Variants in TMCC2 observed in about 807,000 individuals in gnomAD.
TMCC2 encodes the protein transmembrane and coiled-coil domain family 2.
In TMCC2, 16 loss-of-function variants were observed where a neutral mutation model predicts 49.4. The observed-to-expected ratio is 0.32, with a 90% confidence interval of 0.22 to 0.49. TMCC2 has a LOEUF of 0.49. Among genes scored for constraint, TMCC2 ranks in the 20% least tolerant of loss-of-function variants. The pLI is 0.99. For missense variants in TMCC2, 762 were observed against 989.8 expected, an observed-to-expected ratio of 0.77 and a Z score of 3.09; for synonymous variants, 397 against 434.1, an observed-to-expected ratio of 0.91 and a Z score of 1.06.
chr1:205,253,485 C>T (rs1486951791), intron 2 of TMCC2, among the ~76,000 whole-genome samples: 1 of 152,194 alleles, frequency 6.6e-6, no homozygotes, highest in Admixed American at 6.5e-5. Context: ...AAGCCAGAGA[C>T]CCCCTGCCAC....
At chr1:205,235,884 A>G (rs1174409970) in intron 1 of TMCC2, among the ~76,000 whole-genome samples, 2 of 152,168 alleles carry the variant, frequency 1.3e-5, no homozygotes, top group East Asian at 3.8e-4. Context: ...CCTGGCCAGC[A>G]TGGTGAAACC....
In TMCC2 at chr1:205,268,985, C is replaced by T. The variant is rs201946978; in HGVS notation, c.783C>T (p.Pro261=). 1.2e-5 allele frequency: 19 copies of T among 1,613,082 alleles called. No individual in the cohort carries two copies. The East Asian group carries it at 1.8e-4, about 15-fold the overall frequency. ...DKGDLVALSL[P]AGHGDTDGPI... is the part of the protein sequence containing the mutation. ...GAGACCTGGTGGCCCTGAGCCTCCC[C>T]GCCGGCCATGGTGACACCGACGGCC... is the stretch of plus-strand genomic sequence containing the variant. Residue 261 remains proline (P), a synonymous_variant, in exon 3 of 5, where the codon CCC becomes CCT. Transcript: ENST00000358024.
intron 2 of TMCC2, among the ~76,000 whole-genome samples, chr1:205,244,243 C>G (rs1008714500): frequency 6.6e-6 from 1 of 151,976 alleles, no homozygotes; most frequent in South Asian, 2.1e-4. Context: ...GAGCCCACCT[C>G]CATGCTGGCT....
chr1:205,242,116 G>C, intron 2 of TMCC2, 72 bp downstream of exon 2: 1 of 1,476,180 alleles, frequency 6.8e-7, no homozygotes, highest in South Asian at 1.4e-5. Context: ...TTGAGACCTG[G>C]GGAGCTGAGC....
chr1:205,260,681 T>TCCCCCA (rs1410845576), intron 2 of TMCC2, among the ~76,000 whole-genome samples: 18 of 149,928 alleles, frequency 1.2e-4, no homozygotes, highest in Admixed American at 4.7e-4. Context: ...CCCCATTCCT[T>TCCCCCA]CCCCCACCCC....
chr1:205,249,625 G>A (rs558968393), intron 2 of TMCC2, among the ~76,000 whole-genome samples: 3 of 152,338 alleles, frequency 2.0e-5, no homozygotes, highest in South Asian at 2.1e-4. Flanking sequence ...CACCTTCTGA[G>A]CACACCACCA....
intron 2 of TMCC2, among the ~76,000 whole-genome samples, chr1:205,253,817 C>T (rs11240401): frequency 0.18 from 26,682 of 152,202 alleles, 3,122 homozygotes; most frequent in East Asian, 0.44. Flanking sequence ...GTCTGGAATA[C>T]TGTGGTTTGT....
intron 2 of TMCC2, among the ~76,000 whole-genome samples, chr1:205,255,595 C>T (rs1660834435): frequency 6.6e-6 from 1 of 152,076 alleles, no homozygotes; most frequent in African/African-American, 2.4e-5. Flanking sequence ...ATGAGAAGAC[C>T]AAGCTGTCTT....
Position 205,228,806 on chromosome 1 carries a change from CG to C in TMCC2, c.207+36del, listed in dbSNP as rs1465504781. ...GACCATCCCCCCGGCAAGCCCAGCC[CG>C]CGACTTAGCTCTCGCCACCCCACGC... On this transcript the variant is annotated intron_variant, in intron 1 of 4. Transcript: ENST00000358024. 1.9e-6 allele frequency: 3 copies of C among 1,552,990 alleles called. No individual in the cohort carries two copies. In the East Asian group the frequency reaches 7.2e-5, roughly 37 times the overall value.
chr1:205,259,570 A>G (rs1294716737), intron 2 of TMCC2, among the ~76,000 whole-genome samples: 1 of 152,240 alleles, frequency 6.6e-6, no homozygotes, highest in East Asian at 1.9e-4. Flanking sequence ...TTTCTGTTCC[A>G]ACAGTGTCTA....
intron 1 of TMCC2, chr1:205,236,853 C>CTT (rs1660070063): frequency 6.6e-6 from 1 of 152,182 alleles, no homozygotes; most frequent in Non-Finnish European, 1.5e-5. Flanking sequence ...ATGCTGGGAA[C>CTT]TTTAATAAAA....
At position 205,271,100 on chromosome 1, in the gene TMCC2, ACTCT is replaced by A. The variant is rs759214164; in HGVS notation, c.1683-14_1683-11del. The A allele has an allele frequency of 6.2e-7, 1 of 1,611,062 alleles. No homozygotes were observed. The highest frequency in any genetic ancestry group is 1.1e-5 in the South Asian group (1 of 90,974). On this transcript the variant is annotated splice_polypyrimidine_tract_variant and intron_variant, in intron 3 of 4. Transcript: ENST00000358024. The stretch of plus-strand genomic sequence containing the variant: ...AGCTCGGGGAGCCAGGACTGGTGTC[ACTCT>A]CTCTCCCTCCGCCAGGTACGAGCGG...
rs182012360 is a variant in TMCC2, at chr1:205,252,651, C to T, written c.747+10607C>T. The stretch of plus-strand genomic sequence containing the variant: ...CGCCAGCCTTTCAAAGAGGAGTCCT[C>T]ACTGGCAGATTTTCACAGCACATTT... On this transcript the variant is annotated intron_variant, in intron 2 of 4. Coordinates refer to ENST00000358024, the MANE Select transcript of TMCC2 (RefSeq NM_014858.4). 5.3e-5 allele frequency among the ~76,000 whole-genome samples: 8 copies of T among 152,196 alleles called. No individual in the cohort carries two copies. The East Asian group carries it at 1.5e-3, about 29-fold the overall frequency.
intron 2 of TMCC2, among the ~76,000 whole-genome samples, chr1:205,248,894 A>G (rs576615876): frequency 6.6e-6 from 1 of 152,316 alleles, no homozygotes; most frequent in Admixed American, 6.5e-5. Context: ...GACGCAGCAC[A>G]GGAGTGCTGG....
Position 205,241,481 on chromosome 1 carries a change from G to C in TMCC2, c.208-24G>C, listed in dbSNP as rs543610771. ...CAATCAAGAGCTTTCCACTCACCAG[G>C]GTTCTTCATCTCTCCCCCTTAAGAA... On this transcript the variant is annotated intron_variant, in intron 1 of 4. Coordinates refer to ENST00000358024, the MANE Select transcript of TMCC2 (RefSeq NM_014858.4). The surrounding 1 kb of genome is among the most constrained non-coding windows in gnomAD (Gnocchi z 7.3). 12 of 1,610,098 alleles carry C rather than the reference G, an allele frequency of 7.5e-6. No homozygotes were observed. Among genetic ancestry groups the C allele is most frequent in the African/African-American group, 2.7e-5 (2 of 74,760 alleles).
intron 2 of TMCC2, among the ~76,000 whole-genome samples, chr1:205,242,322 G>T (rs1332070992): frequency 6.6e-6 from 1 of 152,172 alleles, no homozygotes; most frequent in Non-Finnish European, 1.5e-5. Flanking sequence ...CCTTAAATGG[G>T]CTATCAAGAG....
intron 2 of TMCC2, among the ~76,000 whole-genome samples, chr1:205,263,155 A>C (rs1661185200): frequency 6.6e-6 from 1 of 151,708 alleles, no homozygotes; most frequent in Non-Finnish European, 1.5e-5. Flanking sequence ...ACACACACAC[A>C]CCCCTAAGCA....
Position 205,242,036 on chromosome 1 carries a change from G to A in TMCC2, c.739G>A (p.Gly247Arg), listed in dbSNP as rs369237599. 2.3e-5 allele frequency: 36 copies of A among 1,583,876 alleles called. No individual in the cohort carries two copies. In the East Asian group the frequency reaches 2.7e-4, roughly 12 times the overall value. The change falls in exon 2 of 5, where the codon GGG becomes AGG. Residue 247 changes from glycine (G) to arginine (R), a missense_variant. Coordinates refer to ENST00000358024, the MANE Select transcript of TMCC2 (RefSeq NM_014858.4). ...CCTGGCTGAGGAGGCCGAAGGCATC[G>A]GGGACAAGGTGAGATGGGCCTTCTG... is the stretch of plus-strand genomic sequence containing the variant. ...YLLAEEAEGI[G>R]DKVDKGDLVA...
In TMCC2 at chr1:205,269,652, G is replaced by T. The variant is rs762161152; in HGVS notation, c.1450G>T (p.Ala484Ser). 1 of 1,613,754 alleles carries T rather than the reference G, an allele frequency of 6.2e-7. No homozygotes were observed. The highest frequency in any genetic ancestry group is 8.5e-7 in the Non-Finnish European group (1 of 1,179,924). Residue 484 changes from alanine to serine, a missense_variant, in exon 3 of 5, where the codon GCC becomes TCC. Around this residue, in one of 2 missense-constraint regions of TMCC2, gnomAD observed 440 missense variants for 636.7 expected, o/e 0.69. Coordinates refer to ENST00000358024, the MANE Select transcript of TMCC2 (RefSeq NM_014858.4). ...GSDDECSSAS[A>S]SSAGAGSNSG... is the part of the protein sequence containing the mutation. Reference sequence around the variant, plus strand: ...CGATGATGAGTGCTCCAGCGCCAGCGCCAGCTCAGCCGGGGCAGGCAGCAA... The same window carrying T: ...CGATGATGAGTGCTCCAGCGCCAGCTCCAGCTCAGCCGGGGCAGGCAGCAA...
Sources: gnomAD v4.1 joint callset for allele counts (sites outside exome capture counted in the v4.1 genomes callset) on GRCh38, gnomAD v4.1.1 for gene constraint, gnomAD v4.1.1 regional missense constraint, Gnocchi (gnomAD v3.1) non-coding constraint, MANE v1.5 for transcripts, NCBI Gene and HGNC (gene_info 2026-07-23, HGNC 2026-07-21) for gene names.